Variants in CALD1 observed in about 807,000 individuals in gnomAD.
CALD1 encodes the protein caldesmon 1, also known as caldesmon.
Under a neutral mutation model 99.9 loss-of-function variants are expected in CALD1, and 33 were observed. The observed-to-expected ratio is 0.33, with a 90% CI of 0.25 to 0.44. The LOEUF (loss-of-function observed/expected upper bound fraction) is 0.44. CALD1 is among the 20% of genes least tolerant of loss of function. The pLI is 1.00. For synonymous variants in CALD1, 310 were observed against 325.0 expected, an observed-to-expected ratio of 0.95 and a Z score of 0.50; for missense variants, 861 against 962.1, an observed-to-expected ratio of 0.89 and a Z score of 1.39.
chr7:134,771,159 G>T (rs1282538450), intron 1 of CALD1, among the ~76,000 whole-genome samples: 1 of 152,058 alleles, frequency 6.6e-6, no homozygotes, highest in Non-Finnish European at 1.5e-5. Context: ...GCTCTTTTCT[G>T]TCTGCACTCC....
intron 3 of CALD1, among the ~76,000 whole-genome samples, chr7:134,895,725 T>A (rs1802527609): frequency 6.6e-6 from 1 of 152,222 alleles, no homozygotes; most frequent in Admixed American, 6.5e-5. Flanking sequence ...TTTGTGACTA[T>A]TGGTTTGTAG....
chr7:134,950,648 TG>T, intron 9 of CALD1, 134 bp downstream of exon 9: 1 of 739,552 alleles, frequency 1.4e-6, no homozygotes, highest in South Asian at 1.9e-5. Flanking sequence ...CTGTTCAGGC[TG>T]CTATAACAAA....
intron 3 of CALD1, among the ~76,000 whole-genome samples, chr7:134,919,870 C>T (rs987037517): frequency 1.3e-5 from 2 of 152,174 alleles, no homozygotes; most frequent in African/African-American, 4.8e-5. Flanking sequence ...CAATTCACTA[C>T]AGACTACTTA....
At chr7:134,895,298 A>AAG (rs1045099168) in intron 3 of CALD1, among the ~76,000 whole-genome samples, 3 of 138,646 alleles carry the variant, frequency 2.2e-5, no homozygotes, top group African/African-American at 7.9e-5. Context: ...TTATATATGT[A>AAG]TGTGTGTGTG....
chr7:134,824,817 G>T (rs79984488), intron 1 of CALD1, among the ~76,000 whole-genome samples: 1 of 152,066 alleles, frequency 6.6e-6, no homozygotes, highest in Non-Finnish European at 1.5e-5. Context: ...AGGGTTAAAA[G>T]AATATTTGAC....
chr7:134,920,711 C>A (rs777329370), intron 3 of CALD1: 17 of 1,282,574 alleles, frequency 1.3e-5, no homozygotes, highest in Non-Finnish European at 1.6e-5. Flanking sequence ...GGTCAACTGT[C>A]TACTGGCCAG....
At chr7:134,955,981 TG>T (rs1042475222) in intron 9 of CALD1, among the ~76,000 whole-genome samples, 1 of 152,174 alleles carries the variant, frequency 6.6e-6, no homozygotes. Context: ...AGTTCTAAAC[TG>T]TTTCACCTTA....
At chr7:134,742,354 T>C (rs1006159633), upstream of CALD1, among the ~76,000 whole-genome samples, 3 of 152,204 alleles carry the variant, frequency 2.0e-5, no homozygotes, top group African/African-American at 4.8e-5. Context: ...GAGATCACCC[T>C]TGGAGAATGC....
intron 1 of CALD1, among the ~76,000 whole-genome samples, chr7:134,818,108 A>AT (rs1414986113): frequency 6.6e-6 from 1 of 151,906 alleles, no homozygotes; most frequent in Non-Finnish European, 1.5e-5. Context: ...TTGGGTTGCT[A>AT]TTTTTTTTCT....
chr7:134,899,090 T>C (rs1802785382), intron 3 of CALD1, among the ~76,000 whole-genome samples: 2 of 152,372 alleles, frequency 1.3e-5, no homozygotes, highest in Non-Finnish European at 2.9e-5. Flanking sequence ...AATAAACTTT[T>C]AGATCAAATA....
At chr7:134,886,406 C>A (rs949831145) in intron 3 of CALD1, among the ~76,000 whole-genome samples, 4 of 152,066 alleles carry the variant, frequency 2.6e-5, no homozygotes, top group African/African-American at 9.7e-5. Flanking sequence ...AAAGAAAAAG[C>A]AAAAACCCTG....
chr7:134,921,035 C>T (rs1804582252), intron 3 of CALD1, among the ~76,000 whole-genome samples: 1 of 152,158 alleles, frequency 6.6e-6, no homozygotes, highest in South Asian at 2.1e-4. Flanking sequence ...TATTGAAGAA[C>T]ACAAAAAAGT....
chr7:134,877,193 G>GA (rs1801391971), intron 3 of CALD1, among the ~76,000 whole-genome samples: 1 of 152,158 alleles, frequency 6.6e-6, no homozygotes, highest in African/African-American at 2.4e-5. Context: ...AGCCCTCTCT[G>GA]GGGTCACCTC....
the CALD1 span, among the ~76,000 whole-genome samples, chr7:134,717,203 T>C: frequency 0.43 from 64,778 of 152,004 alleles, 15,449 homozygotes; most frequent in African/African-American, 0.65. Flanking sequence ...AAACCAATAA[T>C]GCTATTATGA....
intron 1 of CALD1, among the ~76,000 whole-genome samples, chr7:134,840,055 T>C (rs577982446): frequency 6.6e-6 from 1 of 152,318 alleles, no homozygotes; most frequent in East Asian, 1.9e-4. Context: ...ACTCTTTTTA[T>C]GGTTTTTAGT....
chr7:134,795,787 C>T (rs540576645), intron 1 of CALD1, among the ~76,000 whole-genome samples: 9 of 151,962 alleles, frequency 5.9e-5, no homozygotes, highest in East Asian at 1.9e-4. Context: ...TTATGAAGAT[C>T]GATGGTAACA....
chr7:134,790,976 G>A (rs1245992510), intron 1 of CALD1, among the ~76,000 whole-genome samples: 1 of 149,420 alleles, frequency 6.7e-6, no homozygotes, highest in African/African-American at 2.5e-5. Context: ...TTCTGTGTGG[G>A]TCAGGTAGAA....
At chr7:134,776,268 G>A (rs1357021339), upstream of CALD1, among the ~76,000 whole-genome samples, 1 of 151,974 alleles carries the variant, frequency 6.6e-6, no homozygotes, top group Admixed American at 6.6e-5. Context: ...TATATTTCTG[G>A]TAAATGCCTC....
intron 5 of CALD1, 46 bp downstream of exon 5, chr7:134,934,123 G>C: frequency 6.4e-7 from 1 of 1,568,866 alleles, no homozygotes; most frequent in Non-Finnish European, 8.6e-7. Context: ...TGTGACTTGT[G>C]AGAAATGTAA....
Sources: gnomAD v4.1 joint callset for allele counts (sites outside exome capture counted in the v4.1 genomes callset) on GRCh38, gnomAD v4.1.1 for gene constraint, MANE v1.5 for transcripts, NCBI Gene and HGNC (gene_info 2026-07-23, HGNC 2026-07-21) for gene names.